The following GNAT1 variants were observed in gnomAD, a reference collection of about 807,000 sequenced individuals.
GNAT1 encodes the protein G protein subunit alpha transducin 1.
In GNAT1, 36 loss-of-function variants were observed where a neutral mutation model predicts 40.0. That is an observed-to-expected ratio of 0.90 (90% CI 0.69 to 1.19). The LOEUF (loss-of-function observed/expected upper bound fraction) is 1.19, where lower values mean the gene tolerates loss of function less well. GNAT1 is among the 50% of genes most tolerant of loss of function. The pLI is 0.00. For synonymous variants in GNAT1, 195 were observed against 192.9 expected, an observed-to-expected ratio of 1.01 and a Z score of -0.09; for missense variants, 413 against 480.6, an observed-to-expected ratio of 0.86 and a Z score of 1.32.
chr3:50,192,439 C>A (rs1699426092), intron 1 of GNAT1, among the ~76,000 whole-genome samples: 1 of 152,202 alleles, frequency 6.6e-6, no homozygotes, highest in African/African-American at 2.4e-5. Flanking sequence ...TGGGGCTGAT[C>A]CAGGCCTGCC....
Position 50,194,265 on chromosome 3 carries a change from G to A in GNAT1, c.708+44G>A. ...CTGTGTTCCAGGGGGGCGAGGAGGA[G>A]CTGCTGGTCCCTGGAGGCGGAGACC... On this transcript the variant is annotated intron_variant, in intron 6 of 8. Coordinates refer to ENST00000232461, the MANE Select transcript of GNAT1 (RefSeq NM_144499.3). This position sits in a 1 kb window ranked among gnomAD's most constrained non-coding sequence, Gnocchi z 6.1. 1 of 1,569,954 alleles carries A rather than the reference G, an allele frequency of 6.4e-7. No individual in the cohort carries two copies. Among genetic ancestry groups the A allele is most frequent in the Non-Finnish European group, 8.6e-7 (1 of 1,156,560 alleles).
chr3:50,191,687 C>A lies in GNAT1; in HGVS notation c.-39C>A, dbSNP rs748276249. The A allele has an allele frequency of 2.1e-5, 31 of 1,468,550 alleles. 1 individual carries two copies. The South Asian group carries it at 3.5e-4, about 17-fold the overall frequency. The allele number at this position is 1,468,550 out of a possible 1,614,324, so 91.0% of individuals were successfully genotyped here. A position where few individuals can be genotyped will look rare whatever the true frequency, so the allele number is the denominator to read the frequency against. ...TGGGGATCCCCTCCATCCAGAAGAA[C>A]CACCTGCTCACTCTGTCCCTTCGCC... is the stretch of plus-strand genomic sequence containing the variant. On this transcript the variant is annotated 5_prime_UTR_variant, in exon 1 of 9. Transcript: ENST00000232461.
chr3:50,191,948 T>A, intron 1 of GNAT1, 117 bp downstream of exon 1: 1 of 726,224 alleles, frequency 1.4e-6, no homozygotes, highest in South Asian at 1.5e-5. Context: ...TGTGACAGAG[T>A]AGGGCACAGG....
rs1299995017 is a variant in GNAT1, at chr3:50,191,931, A to G, written c.106+100A>G. On this transcript the variant is annotated intron_variant, in intron 1 of 8. Transcript: ENST00000232461. ...AAGCAAGGATTCCCTGGGAAGCAGT[A>G]TGAGCCTGTGACAGAGTAGGGCACA... The G allele has an allele frequency of 8.7e-6, 7 of 805,808 alleles. No homozygotes were observed. In the East Asian group the frequency reaches 1.6e-4, roughly 19 times the overall value. 49.9% of individuals were successfully genotyped at this position (805,808 alleles called of 1,614,324 possible).
chr3:50,194,540 T>C lies in GNAT1; in HGVS notation c.748T>C (p.Cys250Arg), dbSNP rs747897846. 1.2e-6 allele frequency: 2 copies of C among 1,613,560 alleles called. No homozygotes were observed. Among genetic ancestry groups the C allele is most frequent in the Admixed American group, 3.3e-5 (2 of 60,002 alleles). ...GAGCCTGCACCTGTTCAACAGCATC[T>C]GCAACCACCGCTACTTCGCCACGAC... Reference protein sequence around the residue: ...HESLHLFNSICNHRYFATTSI... With the variant: ...HESLHLFNSIRNHRYFATTSI... The change falls in exon 7 of 9, where the codon TGC becomes CGC. Residue 250 changes from cysteine to arginine, a missense_variant. Cys to Arg is a radical substitution (Grantham distance 180). Transcript: ENST00000232461. The surrounding 1 kb of genome is among the most constrained non-coding windows in gnomAD (Gnocchi z 6.1).
At position 50,197,312 on chromosome 3, in the gene GNAT1, G is replaced by C. The variant is rs942292553; in HGVS notation, c.*2046G>C. ...ATAATGTTGTACAACCACCGCAACTGTTCATCTCCAGAACTCCTTTCCTCT... is the reference window on the plus strand; with the variant it reads ...ATAATGTTGTACAACCACCGCAACTCTTCATCTCCAGAACTCCTTTCCTCT... On this transcript the variant is annotated 3_prime_UTR_variant, in exon 9 of 9. Coordinates refer to ENST00000232461, the MANE Select transcript of GNAT1 (RefSeq NM_144499.3). Among the ~76,000 whole-genome samples, 6 of 152,140 alleles carry C rather than the reference G, an allele frequency of 3.9e-5. No homozygotes were observed. The highest frequency in any genetic ancestry group is 1.4e-4 in the African/African-American group (6 of 41,428).
intron 8 of GNAT1, 36 bp from the exon 9 acceptor site, chr3:50,195,232 G>A (rs1240300116): frequency 5.7e-6 from 3 of 523,388 alleles, no homozygotes; most frequent in Non-Finnish European, 1.0e-5. Context: ...ATTTATTTTG[G>A]GTCTCAGGGA....
chr3:50,191,859 C>A, intron 1 of GNAT1, 28 bp downstream of exon 1: 1 of 1,428,534 alleles, frequency 7.0e-7, no homozygotes, highest in Non-Finnish European at 9.9e-7. Flanking sequence ...GGTGGGGCCA[C>A]TGCCACCAGG....
Position 50,194,707 on chromosome 3 carries a change from C to T in GNAT1, c.862+53C>T. The T allele has an allele frequency of 1.2e-6, 2 of 1,607,626 alleles. No homozygotes were observed. Among genetic ancestry groups the T allele is most frequent in the Non-Finnish European group, 1.7e-6 (2 of 1,175,298 alleles). The stretch of plus-strand genomic sequence containing the variant: ...GCGCCCCCGCCCCACGATCGCGGCG[C>T]GCACCCCCCGCACGGGGAAGGAAGG... On this transcript the variant is annotated intron_variant, in intron 7 of 8. Coordinates refer to ENST00000232461, the MANE Select transcript of GNAT1 (RefSeq NM_144499.3). This position sits in a 1 kb window ranked among gnomAD's most constrained non-coding sequence, Gnocchi z 6.1.
In GNAT1 at chr3:50,195,411, T is replaced by C. The variant is rs1699485864; in HGVS notation, c.*145T>C. ...ACCAAAGCTCTGAGCCCTGCTAGCC[T>C]TGAGGCGCGGACCCTCCCCCATACC... On this transcript the variant is annotated 3_prime_UTR_variant, in exon 9 of 9. Coordinates refer to ENST00000232461, the MANE Select transcript of GNAT1 (RefSeq NM_144499.3). 3 of 244,634 alleles carry C rather than the reference T, an allele frequency of 1.2e-5. No homozygotes were observed. Among genetic ancestry groups the C allele is most frequent in the South Asian group, 1.0e-4 (2 of 19,944 alleles). The allele number at this position is 244,634 out of a possible 1,614,324, so 15.2% of individuals were successfully genotyped here. A position where few individuals can be genotyped will look rare whatever the true frequency, so the allele number is the denominator to read the frequency against.
chr3:50,194,403 C>A lies in GNAT1; in HGVS notation c.709-98C>A. 6.8e-7 allele frequency: 1 copy of A among 1,463,968 alleles called. No individual in the cohort carries two copies. Among genetic ancestry groups the A allele is most frequent in the Non-Finnish European group, 9.4e-7 (1 of 1,065,784 alleles). 90.7% of individuals were successfully genotyped at this position (1,463,968 alleles called of 1,614,324 possible). On this transcript the variant is annotated intron_variant, in intron 6 of 8. Coordinates refer to ENST00000232461, the MANE Select transcript of GNAT1 (RefSeq NM_144499.3). This position sits in a 1 kb window ranked among gnomAD's most constrained non-coding sequence, Gnocchi z 6.1. ...GGCAGTGCGGGGAGCCCTCTGAGAG[C>A]CAGCTGAGCGGGAAGCCCCGCGTGC... is the stretch of plus-strand genomic sequence containing the variant.
In GNAT1 at chr3:50,193,761, C is replaced by G; in HGVS notation, c.458C>G (p.Ser153Cys). The stretch of plus-strand genomic sequence containing the variant: ...GGCCGGGTCTCGCGCAGCTACCTCT[C>G]CGACCTGGAGCGCCTGGTAACCCCG... ...QLNDSAGYYL[S>C]DLERLVTPGY... The change falls in exon 5 of 9, where the codon TCC (serine) becomes TGC (cysteine). Residue 153 changes from serine to cysteine, a missense_variant. Coordinates refer to ENST00000232461, the MANE Select transcript of GNAT1 (RefSeq NM_144499.3). The surrounding 1 kb of genome is among the most constrained non-coding windows in gnomAD (Gnocchi z 8.1). 1 of 1,611,254 alleles carries G rather than the reference C, an allele frequency of 6.2e-7. No individual in the cohort carries two copies. The highest frequency in any genetic ancestry group is 8.5e-7 in the Non-Finnish European group (1 of 1,179,270).
At chr3:50,195,202 C>A (rs2109140392) in intron 8 of GNAT1, 66 bp from the exon 9 acceptor site, 1 of 587,502 alleles carries the variant, frequency 1.7e-6, no homozygotes, top group Non-Finnish European at 3.0e-6. Context: ...GCCGCCCCAC[C>A]ACACACAATG....
Position 50,197,394 on chromosome 3 carries a change from C to T in GNAT1, c.*2128C>T, listed in dbSNP as rs879841527. 1.3e-5 allele frequency among the ~76,000 whole-genome samples: 2 copies of T among 152,116 alleles called. No individual in the cohort carries two copies. The highest frequency in any genetic ancestry group is 1.9e-4 in the East Asian group (1 of 5,196). On this transcript the variant is annotated 3_prime_UTR_variant, in exon 9 of 9. Coordinates refer to ENST00000232461, the MANE Select transcript of GNAT1 (RefSeq NM_144499.3). ...ATAACCCCCCATTCCTGCCTTCCCC[C>T]GGCTCCTGGCATCCACCATTCTACT...
Position 50,193,734 on chromosome 3 carries a change from A to G in GNAT1, c.450-19A>G, listed in dbSNP as rs776766412. On this transcript the variant is annotated intron_variant, in intron 4 of 8. Transcript: ENST00000232461. The surrounding 1 kb of genome is among the most constrained non-coding windows in gnomAD (Gnocchi z 8.1). ...GCCCTCCACGCCTCCCCACCCACCT[A>G]CGGCCGGGTCTCGCGCAGCTACCTC... is the stretch of plus-strand genomic sequence containing the variant. 1.3e-5 allele frequency: 21 copies of G among 1,602,604 alleles called. No homozygotes were observed. The East Asian group carries it at 4.7e-4, about 36-fold the overall frequency.
intron 1 of GNAT1, 190 bp from the exon 2 acceptor site, chr3:50,192,943 C>T (rs1401095306): frequency 4.7e-6 from 3 of 636,820 alleles, no homozygotes; most frequent in Non-Finnish European, 8.4e-6. Flanking sequence ...CATTTGCAAA[C>T]CTTGTGACTT....
intron 1 of GNAT1, chr3:50,192,645 G>A (rs1699428274): frequency 4.1e-6 from 1 of 243,350 alleles, no homozygotes; most frequent in Non-Finnish European, 8.2e-6. Context: ...GCTCAGAAAG[G>A]ATGTCAACTC....
Position 50,194,081 on chromosome 3 carries a change from C to A in GNAT1, c.579-11C>A. Reference sequence around the variant, plus strand: ...CCCGGGGCGCAGGTTCAGGCCCCCGCGGCCCCGCAGGATGTTCGATGTGGG... The same window carrying A: ...CCCGGGGCGCAGGTTCAGGCCCCCGAGGCCCCGCAGGATGTTCGATGTGGG... On this transcript the variant is annotated splice_polypyrimidine_tract_variant and intron_variant, in intron 5 of 8. Transcript: ENST00000232461. The surrounding 1 kb of genome is among the most constrained non-coding windows in gnomAD (Gnocchi z 6.1). The A allele has an allele frequency of 1.9e-6, 3 of 1,612,704 alleles. No individual in the cohort carries two copies. The highest frequency in any genetic ancestry group is 1.1e-5 in the South Asian group (1 of 90,984).
chr3:50,194,345 G>A lies in GNAT1; in HGVS notation c.708+124G>A, dbSNP rs1247551145. ...GGGATGCCTGTCCCGGGCGGCCTGA[G>A]GAGGCCCGGAGGCGTTCAGCAGGCC... On this transcript the variant is annotated intron_variant, in intron 6 of 8. Coordinates refer to ENST00000232461, the MANE Select transcript of GNAT1 (RefSeq NM_144499.3). This position sits in a 1 kb window ranked among gnomAD's most constrained non-coding sequence, Gnocchi z 6.1. 3 of 1,392,024 alleles carry A rather than the reference G, an allele frequency of 2.2e-6. No homozygotes were observed. Among genetic ancestry groups the A allele is most frequent in the Admixed American group, 2.0e-5 (1 of 50,352 alleles). The allele number at this position is 1,392,024 out of a possible 1,614,324, so 86.2% of individuals were successfully genotyped here. A position where few individuals can be genotyped will look rare whatever the true frequency, so the allele number is the denominator to read the frequency against.
Sources: gnomAD v4.1 joint callset for allele counts (sites outside exome capture counted in the v4.1 genomes callset) on GRCh38, gnomAD v4.1.1 for gene constraint, Gnocchi (gnomAD v3.1) non-coding constraint, MANE v1.5 for transcripts, NCBI Gene and HGNC (gene_info 2026-07-23, HGNC 2026-07-21) for gene names.